Variants in BDP1 observed in about 807,000 individuals in gnomAD.
BDP1 encodes the protein BDP1 general transcription factor IIIB subunit.
Under a neutral mutation model 266.6 loss-of-function variants are expected in BDP1, and 169 were observed. The ratio of observed to expected loss-of-function variants is 0.63; its 90% CI spans 0.56 to 0.72. BDP1 has a LOEUF of 0.72. Ranked by LOEUF, BDP1 falls within the 30% of genes least tolerant of loss-of-function variation. The pLI is 0.00. For missense variants in BDP1, 3,015 were observed against 3,053.8 expected (o/e 0.99, Z 0.30); for synonymous variants, 1,090 against 1,022.4 (o/e 1.07, Z -1.26).
At chr5:71,522,591 A>G in intron 23 of BDP1, 101 bp downstream of exon 23, 1 of 1,191,672 alleles carries the variant, frequency 8.4e-7, no homozygotes, top group Non-Finnish European at 1.2e-6. Flanking sequence ...TGACTTCTGT[A>G]CTGTAACCAT....
At chr5:71,517,716 A>G (rs755409635) in intron 22 of BDP1, among the ~76,000 whole-genome samples, 2 of 152,132 alleles carry the variant, frequency 1.3e-5, no homozygotes, top group Non-Finnish European at 2.9e-5. Context: ...ACTTTTTGGT[A>G]CCAAAACTAA....
chr5:71,455,945 C>T lies in BDP1; in HGVS notation c.68C>T (p.Thr23Ile). The T allele has an allele frequency of 6.2e-7, 1 of 1,612,542 alleles. No homozygotes were observed. The highest frequency in any genetic ancestry group is 8.5e-7 in the Non-Finnish European group (1 of 1,179,574). The change falls in exon 1 of 39, where the codon ACA (threonine) becomes ATA (isoleucine). Residue 23 changes from threonine to isoleucine, a missense_variant. Physicochemically the swap from Thr to Ile is moderately conservative, Grantham distance 89 (BLOSUM62 -1). Transcript: ENST00000358731. The part of the protein sequence containing the change: ...VRPGVGARGS[T>I]ASNPQRGRES... ...CCTGGTGTAGGCGCCAGGGGCTCCACAGCTTCCAATCCCCAGCGTGGACGG... is the reference window on the plus strand; with the variant it reads ...CCTGGTGTAGGCGCCAGGGGCTCCATAGCTTCCAATCCCCAGCGTGGACGG...
intron 34 of BDP1, among the ~76,000 whole-genome samples, chr5:71,551,774 G>A (rs1742783754): frequency 6.7e-6 from 1 of 150,316 alleles, no homozygotes; most frequent in Non-Finnish European, 1.5e-5. Flanking sequence ...CCGGGAGGGG[G>A]GCTGACCCCC....
At chr5:71,563,198 A>G (rs186607506) in intron 38 of BDP1, among the ~76,000 whole-genome samples, 5 of 152,254 alleles carry the variant, frequency 3.3e-5, no homozygotes, top group African/African-American at 9.6e-5. Context: ...CCCAGGCTGT[A>G]GTGCAGTGGC....
chr5:71,509,182 G>T (rs1203705993), intron 16 of BDP1, among the ~76,000 whole-genome samples: 2 of 152,024 alleles, frequency 1.3e-5, no homozygotes, highest in African/African-American at 4.8e-5. Flanking sequence ...ATTTATAAAT[G>T]GTAGTGTGAA....
chr5:71,476,560 A>G (rs202112899), intron 7 of BDP1, among the ~76,000 whole-genome samples: 1 of 124,088 alleles, frequency 8.1e-6, no homozygotes, highest in African/African-American at 2.9e-5. Context: ...CTTTTTTTTT[A>G]GACAGAGTCT....
At chr5:71,517,771 T>C (rs1038343806) in intron 22 of BDP1, among the ~76,000 whole-genome samples, 60 of 152,264 alleles carry the variant, frequency 3.9e-4, no homozygotes, top group African/African-American at 1.4e-3. Flanking sequence ...TGTATCTTTT[T>C]TAGAAATTTA....
rs1411344085 is a variant in BDP1, at chr5:71,489,531, G to A, written c.1341G>A (p.Arg447=). The change falls in exon 10 of 39, where the codon AGG becomes AGA. Residue 447 remains arginine, a synonymous_variant. Coordinates refer to ENST00000358731, the MANE Select transcript of BDP1 (RefSeq NM_018429.3). ...AAGAAGAGTCTCTGACCTTATCAAG[G>A]GAGGATGCAGAGCAGGTTGCATTAG... ...TVEEESLTLS[R]EDAEQVALEV... 6.2e-7 allele frequency: 1 copy of A among 1,614,120 alleles called. No individual in the cohort carries two copies. Among genetic ancestry groups the A allele is most frequent in the Non-Finnish European group, 8.5e-7 (1 of 1,180,006 alleles).
intron 15 of BDP1, among the ~76,000 whole-genome samples, chr5:71,504,048 G>A (rs35696325): frequency 0.44 from 67,370 of 151,542 alleles, 15,356 homozygotes; most frequent in South Asian, 0.55. Context: ...CGAGGTGGGC[G>A]GATCACGAGG....
chr5:71,532,323 A>C lies in BDP1; in HGVS notation c.5788A>C (p.Asn1930His). The change falls in exon 26 of 39, where the codon AAT (asparagine) becomes CAT (histidine). Residue 1930 changes from asparagine to histidine, a missense_variant. This residue lies in a region of BDP1 where 2,383 missense variants were observed against 2,404.9 expected (regional missense o/e 0.99). Transcript: ENST00000358731. ...ATTTTGACAGCTTGAAATAACTGTGAATGTCCCAGATGTAGGATGCATAGC... is the reference window on the plus strand; with the variant it reads ...ATTTTGACAGCTTGAAATAACTGTGCATGTCCCAGATGTAGGATGCATAGC... The part of the protein sequence containing the change: ...ETMEELEITV[N>H]VPDVGCIAVV... The C allele has an allele frequency of 1.9e-6, 3 of 1,613,448 alleles. No individual in the cohort carries two copies. The highest frequency in any genetic ancestry group is 2.2e-5 in the South Asian group (2 of 90,918).
chr5:71,473,262 ATTTTTTTTTTT>A (rs869174435), intron 7 of BDP1, among the ~76,000 whole-genome samples: 2 of 59,962 alleles, frequency 3.3e-5, no homozygotes, highest in Admixed American at 2.8e-4. Context: ...TCTTAATGTA[ATTTTTTTTTTT>A]TTTTTTTTTT....
At chr5:71,562,742 A>C (rs1245676062) in intron 38 of BDP1, 2 of 1,446,590 alleles carry the variant, frequency 1.4e-6, no homozygotes, top group Admixed American at 2.1e-5. Flanking sequence ...ACTAACCATA[A>C]ATGGACACTT....
At chr5:71,535,305 A>G (rs1766525473) in intron 26 of BDP1, among the ~76,000 whole-genome samples, 1 of 151,796 alleles carries the variant, frequency 6.6e-6, no homozygotes, top group South Asian at 2.1e-4. Flanking sequence ...CCCAGTTTCA[A>G]GTGATTCTCC....
chr5:71,493,802 G>C (rs971379068), intron 11 of BDP1, among the ~76,000 whole-genome samples: 7 of 152,196 alleles, frequency 4.6e-5, no homozygotes, highest in Non-Finnish European at 1.0e-4. Context: ...GAGACATTTA[G>C]GAATCTGTTA....
intron 16 of BDP1, among the ~76,000 whole-genome samples, chr5:71,507,580 TATAAAG>T (rs1326536693): frequency 2.6e-5 from 4 of 152,260 alleles, no homozygotes; most frequent in Non-Finnish European, 4.4e-5. Flanking sequence ...AATGTGACTT[TATAAAG>T]ATAGTTTATT....
chr5:71,470,544 T>C, intron 7 of BDP1, 55 bp downstream of exon 7: 2 of 1,150,872 alleles, frequency 1.7e-6, no homozygotes, highest in South Asian at 2.7e-5. Context: ...ATTACAAATG[T>C]TAGTAGTATT....
intron 38 of BDP1, 48 bp downstream of exon 38, chr5:71,562,568 T>C: frequency 6.3e-7 from 1 of 1,577,446 alleles, no homozygotes; most frequent in Non-Finnish European, 8.6e-7. Flanking sequence ...ATGGGTTGGA[T>C]ATGAGATTCA....
At chr5:71,457,408 C>A (rs949247127) in intron 1 of BDP1, among the ~76,000 whole-genome samples, 1 of 151,220 alleles carries the variant, frequency 6.6e-6, no homozygotes, top group Non-Finnish European at 1.5e-5. Context: ...CTCCACCTCC[C>A]GGGTTCTTGC....
At chr5:71,551,131 AATTG>A (rs1742714878) in intron 34 of BDP1, among the ~76,000 whole-genome samples, 2 of 149,206 alleles carry the variant, frequency 1.3e-5, no homozygotes, top group South Asian at 2.1e-4. Context: ...ATTTATTTTT[AATTG>A]ATCATTCTTG....
Sources: gnomAD v4.1 joint callset for allele counts (sites outside exome capture counted in the v4.1 genomes callset) on GRCh38, gnomAD v4.1.1 for gene constraint, gnomAD v4.1.1 regional missense constraint, MANE v1.5 for transcripts, NCBI Gene and HGNC (gene_info 2026-07-23, HGNC 2026-07-21) for gene names.